MRE11: variants seen among roughly 807,000 people sequenced by gnomAD.
The protein encoded by MRE11 is double-strand break repair protein MRE11.
A neutral mutation model predicts 91.7 loss-of-function variants in MRE11; 62 were observed. That is an observed-to-expected ratio of 0.68 (90% CI 0.55 to 0.84). MRE11 has a LOEUF of 0.84. MRE11 is among the 40% of genes least tolerant of loss of function. MRE11 has a pLI of 0.00. For missense variants in MRE11, 796 were observed against 852.9 expected (o/e 0.93, Z 0.83); for synonymous variants, 273 against 271.4 (o/e 1.01, Z -0.06).
At chr11:94,479,583 A>T in intron 5 of MRE11, 91 bp downstream of exon 5, 1 of 1,092,782 alleles carries the variant, frequency 9.2e-7, no homozygotes, top group South Asian at 1.3e-5. Context: ...ATTTGACTAC[A>T]CAATGAGAAA....
At position 94,417,374 on chromosome 11, in the gene MRE11, T is replaced by C. The variant is rs1411444527; in HGVS notation, c.*2751A>G. 8.7e-6 allele frequency: 2 copies of C among 230,578 alleles called. No homozygotes were observed. Among genetic ancestry groups the C allele is most frequent in the Non-Finnish European group, 1.7e-5 (2 of 116,512 alleles). 14.3% of individuals were successfully genotyped at this position (230,578 alleles called of 1,614,324 possible). A position where few individuals can be genotyped will look rare whatever the true frequency, so the allele number is the denominator to read the frequency against. ...TTCTTTATAAAACTTTATAGGCAAA[T>C]TTATCAAGCTGGTAAATTCCATAAC... On this transcript the variant is annotated 3_prime_UTR_variant, in exon 20 of 20. Coordinates refer to ENST00000323929, the MANE Select transcript of MRE11 (RefSeq NM_005591.4).
the MRE11 span, among the ~76,000 whole-genome samples, chr11:94,502,637 C>T: frequency 2.0e-5 from 3 of 152,066 alleles, no homozygotes. Context: ...ATATGTTGTA[C>T]ATAGGCTATA....
chr11:94,434,765 C>T (rs1053716258), intron 18 of MRE11, among the ~76,000 whole-genome samples: 16 of 152,240 alleles, frequency 1.1e-4, no homozygotes, highest in African/African-American at 2.6e-4. Flanking sequence ...AAATTCTACA[C>T]CTAATTATGT....
chr11:94,465,050 C>T (rs1361387477), intron 10 of MRE11, among the ~76,000 whole-genome samples: 2 of 152,152 alleles, frequency 1.3e-5, no homozygotes, highest in Non-Finnish European at 2.9e-5. Context: ...CCTGTAAGCT[C>T]GACGAATTCA....
At chr11:94,457,887 T>TCTCTCTCACACACACA (rs372404360) in intron 13 of MRE11, among the ~76,000 whole-genome samples, 17 of 144,306 alleles carry the variant, frequency 1.2e-4, no homozygotes, top group African/African-American at 3.1e-4. Flanking sequence ...TCTCTCTCTC[T>TCTCTCTCACACACACA]CACACACACA....
At chr11:94,454,741 T>C (rs749508428) in intron 14 of MRE11, among the ~76,000 whole-genome samples, 6 of 152,166 alleles carry the variant, frequency 3.9e-5, no homozygotes, top group Non-Finnish European at 2.9e-5. Flanking sequence ...TCTTAACTCT[T>C]TTAAAAGCTT....
chr11:94,469,729 C>G (rs890986744), intron 9 of MRE11, among the ~76,000 whole-genome samples: 7 of 152,092 alleles, frequency 4.6e-5, no homozygotes, highest in Non-Finnish European at 8.8e-5. Context: ...AGATTAAATG[C>G]TGTCAACAGT....
chr11:94,479,346 C>T (rs1482367038), intron 5 of MRE11, among the ~76,000 whole-genome samples: 5 of 152,030 alleles, frequency 3.3e-5, no homozygotes, highest in African/African-American at 1.2e-4. Context: ...ACAATCATTT[C>T]CTAAAAGTGA....
chr11:94,493,709 C>T (rs1200130921), intron 1 of MRE11, 82 bp downstream of exon 1: 1 of 152,254 alleles, frequency 6.6e-6, no homozygotes, highest in Admixed American at 6.5e-5. Flanking sequence ...TTCGAAGCCC[C>T]ACAATCGCGA....
At chr11:94,456,851 A>C (rs1004832783) in intron 13 of MRE11, among the ~76,000 whole-genome samples, 3 of 152,130 alleles carry the variant, frequency 2.0e-5, no homozygotes, top group African/African-American at 7.2e-5. Flanking sequence ...AGGAGACTAC[A>C]GGTTTCTTTT....
intron 16 of MRE11, among the ~76,000 whole-genome samples, chr11:94,440,985 A>G (rs1292939502): frequency 1.3e-5 from 2 of 152,186 alleles, no homozygotes; most frequent in African/African-American, 4.8e-5. Context: ...ACTCTCGCCA[A>G]CCTAGAGAGT....
At position 94,464,061 on chromosome 11, in the gene MRE11, T is replaced by C. The variant is rs1373182538; in HGVS notation, c.1225+52A>G. 1.9e-6 allele frequency: 3 copies of C among 1,578,626 alleles called. No homozygotes were observed. The African/African-American group carries it at 4.1e-5, about 21-fold the overall frequency. On this transcript the variant is annotated intron_variant, in intron 11 of 19. Transcript: ENST00000323929. ...TGTTACAGTTTTTAATAAAGATTCCTTCACAAATCCTATAAGAACATTTTT... is the reference window on the plus strand; with the variant it reads ...TGTTACAGTTTTTAATAAAGATTCCCTCACAAATCCTATAAGAACATTTTT...
chr11:94,447,446 G>T lies in MRE11; in HGVS notation c.1564-8C>A. 6.2e-7 allele frequency: 1 copy of T among 1,612,488 alleles called. No individual in the cohort carries two copies. Among genetic ancestry groups the T allele is most frequent in the South Asian group, 1.1e-5 (1 of 91,034 alleles). On this transcript the variant is annotated splice_polypyrimidine_tract_variant and splice_region_variant and intron_variant, in intron 14 of 19. Coordinates refer to ENST00000323929, the MANE Select transcript of MRE11 (RefSeq NM_005591.4). ...TCTGGCCCTGGTCATAGCCTAAGAG[G>T]GAGAAGAAGGAGAAAGTACACACAA...
intron 15 of MRE11, 92 bp from the exon 16 acceptor site, chr11:94,445,985 T>A (rs747714993): frequency 3.2e-5 from 30 of 944,244 alleles, no homozygotes; most frequent in Non-Finnish European, 4.5e-5. Context: ...AATAAACTTA[T>A]GTCAAATAGT....
chr11:94,511,756 T>C, the MRE11 span, among the ~76,000 whole-genome samples: 1 of 152,174 alleles, frequency 6.6e-6, no homozygotes, highest in Admixed American at 6.5e-5. Context: ...TTCCATAAAA[T>C]TAACACCACA....
rs876660186 is a variant in MRE11, at chr11:94,447,361, ACTCATAAG to A, written c.1633_1640del (p.Leu545TyrfsTer9). 4.3e-6 allele frequency: 7 copies of A among 1,613,858 alleles called. No individual in the cohort carries two copies. Among genetic ancestry groups the A allele is most frequent in the Non-Finnish European group, 5.9e-6 (7 of 1,180,006 alleles). On this transcript the variant is annotated frameshift_variant, in exon 15 of 20. Transcript: ENST00000323929. LOFTEE classifies it high-confidence loss of function. ...TAGCCATCTGTTCTGCTAAATCTATACTCATAAGGTCATCAGCACTAAAGGCAGAAGCA... is the reference window on the plus strand; with the variant it reads ...TAGCCATCTGTTCTGCTAAATCTATAGTCATCAGCACTAAAGGCAGAAGCA...
At chr11:94,497,243 TAA>T, upstream of MRE11, 5 of 522,042 alleles carry the variant, frequency 9.6e-6, no homozygotes, top group Non-Finnish European at 1.7e-5. Context: ...TAACATTTAT[TAA>T]AAACTAACTA....
At chr11:94,452,166 C>A (rs1254579918) in intron 14 of MRE11, among the ~76,000 whole-genome samples, 1 of 141,526 alleles carries the variant, frequency 7.1e-6, no homozygotes, top group African/African-American at 2.6e-5. Context: ...CACTGCACTC[C>A]AGCCTGGGTG....
intron 4 of MRE11, among the ~76,000 whole-genome samples, chr11:94,483,147 C>T (rs1947054598): frequency 6.6e-6 from 1 of 151,570 alleles, no homozygotes; most frequent in Non-Finnish European, 1.5e-5. Flanking sequence ...ATTTACCTCC[C>T]AATATAAAGT....
Sources: gnomAD v4.1 joint callset for allele counts (sites outside exome capture counted in the v4.1 genomes callset) on GRCh38, gnomAD v4.1.1 for gene constraint, MANE v1.5 for transcripts, NCBI Gene and HGNC (gene_info 2026-07-23, HGNC 2026-07-21) for gene names.